FAM72D: variants seen among roughly 807,000 people sequenced by gnomAD.
The protein encoded by FAM72D is RUMY family member 4.
For synonymous variants in FAM72D, 4 were observed against 35.1 expected (o/e 0.11, Z 3.13); for missense variants, 9 against 104.7 (o/e 0.09, Z 3.99).
intron 3 of FAM72D, among the ~76,000 whole-genome samples, chr1:145,104,134 A>G (rs1160792845): frequency 6.7e-6 from 1 of 148,960 alleles, no homozygotes; most frequent in Non-Finnish European, 1.5e-5. Context: ...CTGGGCAACA[A>G]TATGAGACCC....
chr1:145,101,056 C>T (rs1427311791), intron 2 of FAM72D, among the ~76,000 whole-genome samples: 3 of 150,632 alleles, frequency 2.0e-5, no homozygotes, highest in Non-Finnish European at 2.9e-5. Flanking sequence ...ATTCTCTCAC[C>T]TCTGCCTCCC....
chr1:145,102,124 CTG>C (rs1408752230), intron 2 of FAM72D, among the ~76,000 whole-genome samples: 3 of 126,878 alleles, frequency 2.4e-5, no homozygotes, highest in Non-Finnish European at 5.0e-5. Context: ...ATTCTGAAAA[CTG>C]TAAAAACTTT....
chr1:145,097,401 CA>C (rs782382122), intron 1 of FAM72D, among the ~76,000 whole-genome samples: 122 of 36,708 alleles, frequency 3.3e-3, no homozygotes, highest in Middle Eastern at 9.3e-3. Flanking sequence ...AATTTTGCAC[CA>C]AAAAAAAAAA....
Position 145,102,319 on chromosome 1 carries a change from T to C in FAM72D, c.231-688T>C, listed in dbSNP as rs587658998. The stretch of plus-strand genomic sequence containing the variant: ...AAACTAGAACATGTAAGAACCCAAC[T>C]TGCCACAGTCCTGGGATAGCAAAAA... On this transcript the variant is annotated intron_variant, in intron 2 of 3. Coordinates refer to ENST00000400889, the MANE Select transcript of FAM72D (RefSeq NM_207418.3). 1.4e-4 allele frequency among the ~76,000 whole-genome samples: 6 copies of C among 43,552 alleles called. No individual in the cohort carries two copies. In the East Asian group the frequency reaches 2.4e-3, roughly 17 times the overall value. 28.6% of individuals were successfully genotyped at this position (43,552 alleles called of 152,430 possible). A position where few individuals can be genotyped will look rare whatever the true frequency, so the allele number is the denominator to read the frequency against.
intron 3 of FAM72D, among the ~76,000 whole-genome samples, chr1:145,107,376 G>A (rs1470582986): frequency 5.8e-5 from 7 of 121,222 alleles, no homozygotes; most frequent in Non-Finnish European, 1.2e-4. Context: ...CTCCCGAGTA[G>A]CGAGATTACA....
intron 3 of FAM72D, among the ~76,000 whole-genome samples, chr1:145,107,518 G>A (rs1654982743): frequency 7.9e-6 from 1 of 126,652 alleles, no homozygotes; most frequent in Non-Finnish European, 1.7e-5. Context: ...GGATTACATG[G>A]GATTACAGAC....
chr1:145,097,142 C>G, intron 1 of FAM72D, 143 bp downstream of exon 1: 2 of 1,526,352 alleles, frequency 1.3e-6, no homozygotes, highest in Non-Finnish European at 1.8e-6. Context: ...TGTAATATAT[C>G]TAAGTGGGCA....
chr1:145,112,160 T>TTAGATAATGA lies in FAM72D; in HGVS notation c.*563_*564insTAGATAATGA, dbSNP rs1558889430. 2 of 116,876 alleles carry TTAGATAATGA rather than the reference T, an allele frequency of 1.7e-5. No homozygotes were observed. The highest frequency in any genetic ancestry group is 6.7e-5 in the African/African-American group (2 of 29,722). The allele number at this position is 116,876 out of a possible 1,614,324, so 7.2% of individuals were successfully genotyped here. ...AAATATATAGAGGAATCCTCTTGAT[T>TTAGATAATGA]GCTCAGCATGATGTTAGATAAATGA... On this transcript the variant is annotated 3_prime_UTR_variant, in exon 4 of 4. Coordinates refer to ENST00000400889, the MANE Select transcript of FAM72D (RefSeq NM_207418.3).
chr1:145,104,245 C>T (rs1324765934), intron 3 of FAM72D, among the ~76,000 whole-genome samples: 4 of 142,830 alleles, frequency 2.8e-5, no homozygotes, highest in African/African-American at 1.1e-4. Flanking sequence ...GAGGGTCTTG[C>T]CTTGATGTTG....
intron 3 of FAM72D, among the ~76,000 whole-genome samples, chr1:145,105,649 C>G (rs1268067038): frequency 6.7e-6 from 1 of 149,042 alleles, no homozygotes; most frequent in Non-Finnish European, 1.5e-5. Context: ...GGAACTCCAT[C>G]TGAAAAAAAA....
intron 2 of FAM72D, among the ~76,000 whole-genome samples, chr1:145,102,178 T>C: frequency 1.0e-5 from 1 of 95,564 alleles, no homozygotes; most frequent in Non-Finnish European, 2.1e-5. Flanking sequence ...TATTTCTGAG[T>C]TCCTTCAAAA....
At chr1:145,100,215 TGA>T (rs1172800980) in intron 2 of FAM72D, among the ~76,000 whole-genome samples, 19 of 119,170 alleles carry the variant, frequency 1.6e-4, no homozygotes, top group Non-Finnish European at 1.9e-4. Context: ...TATAATCTTT[TGA>T]GAAGTAGACG....
chr1:145,097,229 G>A (rs1445189000), intron 1 of FAM72D, among the ~76,000 whole-genome samples: 3 of 138,606 alleles, frequency 2.2e-5, no homozygotes, highest in Admixed American at 1.4e-4. Context: ...TTGCAGTCAT[G>A]CGACCACACA....
intron 2 of FAM72D, among the ~76,000 whole-genome samples, chr1:145,101,408 T>C (rs1350779384): frequency 9.1e-6 from 1 of 109,450 alleles, no homozygotes; most frequent in Middle Eastern, 3.6e-3. Flanking sequence ...CTGGTGTACA[T>C]TTTACACTTA....
chr1:145,103,800 CTA>C (rs587614370), intron 3 of FAM72D, among the ~76,000 whole-genome samples: 26 of 149,012 alleles, frequency 1.7e-4, no homozygotes, highest in Admixed American at 3.3e-4. Flanking sequence ...ATATTGTAGT[CTA>C]TTAAGTGTGC....
At chr1:145,103,678 G>GA (rs1654813990) in intron 3 of FAM72D, among the ~76,000 whole-genome samples, 1 of 68,840 alleles carries the variant, frequency 1.5e-5, no homozygotes, top group Non-Finnish European at 2.7e-5. Flanking sequence ...CACAAGTGGA[G>GA]ATATTGTAGG....
intron 3 of FAM72D, among the ~76,000 whole-genome samples, chr1:145,105,394 C>T (rs1465893161): frequency 1.3e-5 from 1 of 78,616 alleles, no homozygotes; most frequent in African/African-American, 5.2e-5. Flanking sequence ...AAAATCTCTG[C>T]CGGATGCAGT....
chr1:145,107,451 C>T (rs1553638564), intron 3 of FAM72D, among the ~76,000 whole-genome samples: 3 of 126,596 alleles, frequency 2.4e-5, no homozygotes. Context: ...GTTGGTCAGG[C>T]TGGTCTTGAA....
intron 2 of FAM72D, among the ~76,000 whole-genome samples, chr1:145,101,134 G>C (rs1553637917): frequency 7.2e-6 from 1 of 138,404 alleles, no homozygotes; most frequent in Non-Finnish European, 1.5e-5. Context: ...TAGAGGTGGG[G>C]TTTCGCCATG....
Sources: gnomAD v4.1 joint callset for allele counts (sites outside exome capture counted in the v4.1 genomes callset) on GRCh38, gnomAD v4.1.1 for gene constraint, MANE v1.5 for transcripts, NCBI Gene and HGNC (gene_info 2026-07-23, HGNC 2026-07-21) for gene names.